Variants in MAP2K4 observed in about 807,000 individuals in gnomAD.
MAP2K4 encodes dual specificity mitogen-activated protein kinase kinase 4.
Under a neutral mutation model 48.5 loss-of-function variants are expected in MAP2K4, and 4 were observed. That is an observed-to-expected ratio of 0.08 (90% CI 0.04 to 0.19). The LOEUF (loss-of-function observed/expected upper bound fraction) is 0.19, where lower values mean the gene tolerates loss of function less well. MAP2K4 is among the 10% of genes least tolerant of loss of function. The pLI, the probability that MAP2K4 is intolerant of heterozygous loss-of-function variation, is 1.00. For synonymous variants in MAP2K4, 166 were observed against 173.1 expected (o/e 0.96, Z 0.32); for missense variants, 258 against 493.3 (o/e 0.52, Z 4.52).
At chr17:12,107,725 A>C in intron 4 of MAP2K4, 65 bp from the exon 5 acceptor site, 1 of 1,356,792 alleles carries the variant, frequency 7.4e-7, no homozygotes, top group Admixed American at 2.4e-5. Context: ...TTGTATTTCC[A>C]TTTTAAGTAA....
At chr17:12,110,903 T>A (rs540794393) in intron 6 of MAP2K4, 16 of 155,540 alleles carry the variant, frequency 1.0e-4, no homozygotes, top group African/African-American at 3.6e-4. Context: ...TAAAGCATGT[T>A]GTATTTGTGT....
At chr17:12,033,331 C>G (rs1376399093) in intron 1 of MAP2K4, among the ~76,000 whole-genome samples, 1 of 143,120 alleles carries the variant, frequency 7.0e-6, no homozygotes, top group African/African-American at 2.5e-5. Context: ...TACATTGATT[C>G]AAAGGCAAAA....
At chr17:12,097,935 A>G (rs1051259403) in intron 4 of MAP2K4, among the ~76,000 whole-genome samples, 2 of 152,238 alleles carry the variant, frequency 1.3e-5, no homozygotes, top group African/African-American at 4.8e-5. Context: ...AAGACACAAA[A>G]TACCTAAGTA....
intron 2 of MAP2K4, among the ~76,000 whole-genome samples, chr17:12,066,966 C>T (rs990127838): frequency 1.3e-4 from 19 of 151,484 alleles, no homozygotes; most frequent in Non-Finnish European, 2.2e-4. Flanking sequence ...CGTGAGCCAC[C>T]GCGCCCGGCC....
intron 2 of MAP2K4, among the ~76,000 whole-genome samples, chr17:12,066,152 T>C (rs1288887721): frequency 6.6e-6 from 1 of 151,216 alleles, no homozygotes; most frequent in Non-Finnish European, 1.5e-5. Context: ...TTTTTTTTAA[T>C]ACAGAGAAAG....
chr17:12,063,977 C>T (rs1045590259), intron 2 of MAP2K4, among the ~76,000 whole-genome samples: 5 of 86,336 alleles, frequency 5.8e-5, no homozygotes, highest in Non-Finnish European at 8.4e-5. Flanking sequence ...TGTCAGGGGG[C>T]GGGGGGCGGG....
At chr17:12,075,522 T>C (rs918888328) in intron 2 of MAP2K4, among the ~76,000 whole-genome samples, 4 of 152,200 alleles carry the variant, frequency 2.6e-5, no homozygotes, top group African/African-American at 9.6e-5. Context: ...AACTTGTTAG[T>C]AGAAGCAGCG....
intron 1 of MAP2K4, among the ~76,000 whole-genome samples, chr17:12,051,422 G>A (rs533424805): frequency 1.3e-5 from 2 of 152,282 alleles, no homozygotes; most frequent in Admixed American, 1.3e-4. Context: ...AAGGTTTTAG[G>A]TATACAGAGA....
chr17:12,073,283 T>C (rs1970879267), intron 2 of MAP2K4, among the ~76,000 whole-genome samples: 1 of 152,226 alleles, frequency 6.6e-6, no homozygotes, highest in Non-Finnish European at 1.5e-5. Context: ...GGGAGGATGC[T>C]GATGAATTTT....
chr17:12,099,421 T>C (rs1971863934), intron 4 of MAP2K4, among the ~76,000 whole-genome samples: 1 of 152,212 alleles, frequency 6.6e-6, no homozygotes, highest in Non-Finnish European at 1.5e-5. Context: ...GTAGGATTGC[T>C]GGATCAAATG....
intron 2 of MAP2K4, among the ~76,000 whole-genome samples, chr17:12,074,454 C>T (rs1970927690): frequency 6.6e-6 from 1 of 152,182 alleles, no homozygotes; most frequent in African/African-American, 2.4e-5. Context: ...TACTCTAGAG[C>T]TAATTTTGCC....
At chr17:12,071,371 T>C (rs1466564048) in intron 2 of MAP2K4, among the ~76,000 whole-genome samples, 1 of 152,104 alleles carries the variant, frequency 6.6e-6, no homozygotes, top group Non-Finnish European at 1.5e-5. Flanking sequence ...GGAGAAGATA[T>C]TAAACTCACA....
intron 2 of MAP2K4, among the ~76,000 whole-genome samples, chr17:12,062,056 CT>C (rs1420287442): frequency 2.7e-5 from 4 of 146,252 alleles, no homozygotes; most frequent in East Asian, 2.1e-4. Flanking sequence ...AGTTCTCCCC[CT>C]CTCCCCCCCC....
At chr17:12,058,246 T>A (rs1970345155) in intron 2 of MAP2K4, among the ~76,000 whole-genome samples, 2 of 147,824 alleles carry the variant, frequency 1.4e-5, no homozygotes, top group African/African-American at 5.0e-5. Flanking sequence ...TTTTTTTTTT[T>A]AAGTGGCAGG....
chr17:12,062,589 A>G (rs1970485084), intron 2 of MAP2K4, among the ~76,000 whole-genome samples: 1 of 152,190 alleles, frequency 6.6e-6, no homozygotes. Flanking sequence ...TCGGCCTCCC[A>G]GAGTGCTGGA....
In MAP2K4 at chr17:12,069,903, A is replaced by G. The variant is rs1170603216; in HGVS notation, c.219-11453A>G. On this transcript the variant is annotated intron_variant, in intron 2 of 10. Coordinates refer to ENST00000353533, the MANE Select transcript of MAP2K4 (RefSeq NM_003010.4). ...AGGAAGATTAGTCATATATATATAT[A>G]TATATATATATATATATATATATAT... The G allele has an allele frequency of 1.7e-3, 19 of 11,112 alleles. No homozygotes were observed. The South Asian group carries it at 0.043, about 25-fold the overall frequency. The allele number at this position is 11,112 out of a possible 1,614,324, so 0.7% of individuals were successfully genotyped here. A position where few individuals can be genotyped will look rare whatever the true frequency, so the allele number is the denominator to read the frequency against.
intron 7 of MAP2K4, among the ~76,000 whole-genome samples, chr17:12,118,625 C>T (rs1443402739): frequency 6.6e-6 from 1 of 152,206 alleles, no homozygotes; most frequent in Non-Finnish European, 1.5e-5. Context: ...CATGTACTTT[C>T]ACCCAAATGC....
At chr17:12,074,510 T>G (rs1335661050) in intron 2 of MAP2K4, among the ~76,000 whole-genome samples, 1 of 152,184 alleles carries the variant, frequency 6.6e-6, no homozygotes, top group Non-Finnish European at 1.5e-5. Flanking sequence ...TGGTTTCCAA[T>G]CAGGAAGCTT....
chr17:12,024,934 A>C (rs1260877007), intron 1 of MAP2K4, among the ~76,000 whole-genome samples: 1 of 152,194 alleles, frequency 6.6e-6, no homozygotes, highest in East Asian at 1.9e-4. Flanking sequence ...CCAGGTAATT[A>C]ATCTTAGATA....
Sources: gnomAD v4.1 joint callset for allele counts (sites outside exome capture counted in the v4.1 genomes callset) on GRCh38, gnomAD v4.1.1 for gene constraint, MANE v1.5 for transcripts, NCBI Gene and HGNC (gene_info 2026-07-23, HGNC 2026-07-21) for gene names.